The following PDE4B variants were observed in gnomAD, a reference collection of about 807,000 sequenced individuals.
The protein encoded by PDE4B is phosphodiesterase 4B.
Under a neutral mutation model 82.2 loss-of-function variants are expected in PDE4B, and 20 were observed. The ratio of observed to expected loss-of-function variants is 0.24; its 90% confidence interval spans 0.17 to 0.35. The LOEUF (loss-of-function observed/expected upper bound fraction) is 0.35. Among genes scored for constraint, PDE4B ranks in the 10% least tolerant of loss-of-function variants. PDE4B has a pLI of 1.00. For synonymous variants in PDE4B, 320 were observed against 318.9 expected (o/e 1.00, Z -0.04); for missense variants, 655 against 907.2 (o/e 0.72, Z 3.57).
At chr1:65,837,441 A>G (rs1646152758) in intron 1 of PDE4B, among the ~76,000 whole-genome samples, 1 of 151,944 alleles carries the variant, frequency 6.6e-6, no homozygotes, top group Non-Finnish European at 1.5e-5. Flanking sequence ...CATCTATACT[A>G]TACTAAAAAT....
At chr1:65,990,754 T>C (rs10127702) in intron 3 of PDE4B, among the ~76,000 whole-genome samples, 1,768 of 152,306 alleles carry the variant, frequency 0.012, 34 homozygotes, top group African/African-American at 0.04. Context: ...GCTAATATGA[T>C]TTTAGGTAAG....
intron 3 of PDE4B, among the ~76,000 whole-genome samples, chr1:66,047,717 G>A (rs778239662): frequency 1.3e-5 from 2 of 151,950 alleles, no homozygotes; most frequent in Admixed American, 1.3e-4. Flanking sequence ...ATCTGTTACC[G>A]TGAGCTTTCA....
intron 3 of PDE4B, among the ~76,000 whole-genome samples, chr1:66,150,193 T>G (rs1343257984): frequency 6.6e-6 from 1 of 152,202 alleles, no homozygotes; most frequent in African/African-American, 2.4e-5. Flanking sequence ...AACTTTGTTC[T>G]TTTTCAAGAT....
intron 1 of PDE4B, among the ~76,000 whole-genome samples, chr1:65,845,988 C>T (rs1400010293): frequency 6.6e-6 from 1 of 152,170 alleles, no homozygotes; most frequent in South Asian, 2.1e-4. Context: ...TGGCTGGCCG[C>T]CTCCTCCGTG....
At chr1:66,338,789 C>T (rs544384267) in intron 8 of PDE4B, among the ~76,000 whole-genome samples, 219 of 152,168 alleles carry the variant, frequency 1.4e-3, no homozygotes, top group African/African-American at 2.6e-3. Context: ...GAGGCCGAGG[C>T]GGGCGGATCA....
rs577573174 is a variant in PDE4B, at chr1:65,862,011, A to AC, written c.-70-51228dup. Reference sequence around the variant, plus strand: ...ATCTGCAAACAGAGACTGTTTGACTACCCCCCTTCCTATTTCAATAAGCTT... The same window carrying AC: ...ATCTGCAAACAGAGACTGTTTGACTACCCCCCCTTCCTATTTCAATAAGCTT... On this transcript the variant is annotated intron_variant, in intron 1 of 16. Coordinates refer to ENST00000341517, the MANE Select transcript of PDE4B (RefSeq NM_002600.4). Among the ~76,000 whole-genome samples the AC allele has an allele frequency of 2.3e-3, 356 of 151,686 alleles. 1 individual carries two copies. The highest frequency in any genetic ancestry group is 3.6e-3 in the Non-Finnish European group (247 of 67,848).
Position 66,345,963 on chromosome 1 carries a change from G to A in PDE4B, c.748-9564G>A, listed in dbSNP as rs111592630. Among the ~76,000 whole-genome samples the A allele has an allele frequency of 5.7e-3, 871 of 152,262 alleles. 6 individuals carry two copies. The highest frequency in any genetic ancestry group is 9.2e-3 in the Non-Finnish European group (629 of 68,008). On this transcript the variant is annotated intron_variant, in intron 8 of 16. Coordinates refer to ENST00000341517, the MANE Select transcript of PDE4B (RefSeq NM_002600.4). ...TTTTGGTTGGGGTTTTTGTTTGTTCGGTTGGCTTTTGGTTCAGTTTTGCAA... is the reference window on the plus strand; with the variant it reads ...TTTTGGTTGGGGTTTTTGTTTGTTCAGTTGGCTTTTGGTTCAGTTTTGCAA...
At chr1:65,932,982 T>A (rs918691673) in intron 3 of PDE4B, among the ~76,000 whole-genome samples, 1 of 151,970 alleles carries the variant, frequency 6.6e-6, no homozygotes, top group Non-Finnish European at 1.5e-5. Flanking sequence ...AATGTGCACA[T>A]TATAGGAGTT....
intron 3 of PDE4B, among the ~76,000 whole-genome samples, chr1:66,040,277 T>G (rs1237634503): frequency 6.6e-6 from 1 of 152,016 alleles, no homozygotes; most frequent in Non-Finnish European, 1.5e-5. Context: ...TACTGTTGAA[T>G]AAAGAAACAA....
intron 7 of PDE4B, among the ~76,000 whole-genome samples, chr1:66,288,740 C>T (rs1197848754): frequency 6.6e-6 from 1 of 151,970 alleles, no homozygotes; most frequent in Non-Finnish European, 1.5e-5. Flanking sequence ...CAAAATTGTA[C>T]CTTAGTGGAA....
chr1:66,290,083 T>A (rs1271950910), intron 7 of PDE4B, among the ~76,000 whole-genome samples: 1 of 152,034 alleles, frequency 6.6e-6, no homozygotes, highest in African/African-American at 2.4e-5. Context: ...ACTCAGGAGT[T>A]TGGTTTTAGA....
At chr1:66,110,630 A>C (rs1172658083) in intron 3 of PDE4B, among the ~76,000 whole-genome samples, 1 of 152,112 alleles carries the variant, frequency 6.6e-6, no homozygotes, top group African/African-American at 2.4e-5. Flanking sequence ...TTGCTTCCAC[A>C]ATAACAGCTG....
chr1:65,961,471 T>C (rs570109797), intron 3 of PDE4B, among the ~76,000 whole-genome samples: 1 of 152,326 alleles, frequency 6.6e-6, no homozygotes, highest in South Asian at 2.1e-4. Flanking sequence ...TTATAGCTCC[T>C]CTTTTATAGG....
intron 1 of PDE4B, among the ~76,000 whole-genome samples, chr1:65,888,463 G>GT (rs752575142): frequency 2.0e-5 from 3 of 151,870 alleles, no homozygotes; most frequent in Non-Finnish European, 2.9e-5. Flanking sequence ...TTTTAGGATT[G>GT]TTTTTTCTAT....
intron 3 of PDE4B, chr1:65,992,974 A>G (rs1329635884): frequency 1.9e-6 from 3 of 1,614,024 alleles, no homozygotes; most frequent in Non-Finnish European, 2.5e-6. Flanking sequence ...AAGACTTTCA[A>G]GGAGCAAATG....
chr1:66,158,370 G>T (rs541706861), intron 3 of PDE4B, among the ~76,000 whole-genome samples: 1 of 152,256 alleles, frequency 6.6e-6, no homozygotes, highest in South Asian at 2.1e-4. Flanking sequence ...ATGGGCAAAA[G>T]ACCTGAATAG....
At chr1:65,955,785 G>T (rs1051105943) in intron 3 of PDE4B, among the ~76,000 whole-genome samples, 1 of 152,082 alleles carries the variant, frequency 6.6e-6, no homozygotes, top group African/African-American at 2.4e-5. Flanking sequence ...CATTTATAGG[G>T]TTACGTGCTG....
At chr1:66,015,740 A>G (rs1652736787) in intron 3 of PDE4B, among the ~76,000 whole-genome samples, 1 of 152,140 alleles carries the variant, frequency 6.6e-6, no homozygotes, top group African/African-American at 2.4e-5. Context: ...TCAAATTAAT[A>G]TTTCTTTTTC....
At chr1:66,124,608 A>T (rs1158436240) in intron 3 of PDE4B, among the ~76,000 whole-genome samples, 2 of 152,132 alleles carry the variant, frequency 1.3e-5, no homozygotes, top group Admixed American at 1.3e-4. Context: ...AGACTCTTTC[A>T]ATATATCATC....
Sources: allele counts gnomAD v4.1 joint callset (sites outside exome capture counted in the v4.1 genomes callset), GRCh38; gene constraint gnomAD v4.1.1; transcripts MANE v1.5; gene names NCBI Gene and HGNC (gene_info 2026-07-23, HGNC 2026-07-21).